ACVR2A: variants seen among roughly 807,000 people sequenced by gnomAD.
ACVR2A encodes activin A receptor type 2A, also known as activin receptor type-2A.
ACVR2A carries 7 observed loss-of-function variants against 61.4 expected under a neutral mutation model. The ratio of observed to expected loss-of-function variants is 0.11; its 90% CI spans 0.06 to 0.21. The LOEUF (loss-of-function observed/expected upper bound fraction) is 0.21, where lower values mean the gene tolerates loss of function less well. Ranked by LOEUF, ACVR2A falls within the 10% of genes least tolerant of loss-of-function variation. ACVR2A has a pLI of 1.00. For synonymous variants in ACVR2A, 193 were observed against 208.3 expected (o/e 0.93, Z 0.63); for missense variants, 322 against 621.7 (o/e 0.52, Z 5.13).
intron 1 of ACVR2A, among the ~76,000 whole-genome samples, chr2:147,861,811 G>A (rs1425617237): frequency 6.6e-6 from 1 of 152,180 alleles, no homozygotes; most frequent in Non-Finnish European, 1.5e-5. Context: ...ATAAAGTGGT[G>A]TGAATGTGTG....
chr2:147,915,821 C>T (rs12622150), intron 5 of ACVR2A, among the ~76,000 whole-genome samples: 53,893 of 151,690 alleles, frequency 0.36, 10,574 homozygotes, highest in South Asian at 0.51. Flanking sequence ...ATCGAGACTT[C>T]AAATAATTGG....
rs2105228582 is a variant in ACVR2A at position 147,928,940 on chromosome 2, T to C, written c.*1666T>C. Reference sequence around the variant, plus strand: ...ATTTTATAAAAGAATTTTTTACATGTCACTGTCAGGAGCTCACTGTGAATG... The same window carrying C: ...ATTTTATAAAAGAATTTTTTACATGCCACTGTCAGGAGCTCACTGTGAATG... On this transcript the variant is annotated 3_prime_UTR_variant, in exon 11 of 11. Coordinates refer to ENST00000241416, the MANE Select transcript of ACVR2A (RefSeq NM_001616.5). The C allele has an allele frequency of 6.6e-6, 1 of 152,604 alleles. No homozygotes were observed. Among genetic ancestry groups the C allele is most frequent in the Middle Eastern group, 3.4e-3 (1 of 294 alleles). 9.5% of individuals were successfully genotyped at this position (152,604 alleles called of 1,614,324 possible).
intron 4 of ACVR2A, among the ~76,000 whole-genome samples, chr2:147,909,684 C>T (rs896863115): frequency 6.6e-6 from 1 of 152,060 alleles, no homozygotes; most frequent in African/African-American, 2.4e-5. Context: ...GTCACCCAGG[C>T]GGGAATGCAG....
intron 1 of ACVR2A, among the ~76,000 whole-genome samples, chr2:147,865,407 A>G (rs1225311634): frequency 1.3e-5 from 2 of 152,184 alleles, no homozygotes; most frequent in African/African-American, 4.8e-5. Flanking sequence ...CATTCTTATT[A>G]TATTTGATTA....
At chr2:147,924,815 T>C (rs1687464640) in intron 9 of ACVR2A, among the ~76,000 whole-genome samples, 1 of 151,954 alleles carries the variant, frequency 6.6e-6, no homozygotes, top group Admixed American at 6.6e-5. Flanking sequence ...GGTTGAAGCC[T>C]GAGAGTCTAC....
chr2:147,901,699 G>A (rs1285765119), intron 4 of ACVR2A, among the ~76,000 whole-genome samples: 1 of 151,962 alleles, frequency 6.6e-6, no homozygotes, highest in Non-Finnish European at 1.5e-5. Flanking sequence ...AAGATTTTGT[G>A]ATAAAGTCAC....
intron 1 of ACVR2A, chr2:147,877,603 C>G (rs1045278233): frequency 1.3e-5 from 2 of 152,062 alleles, no homozygotes; most frequent in African/African-American, 2.4e-5. Flanking sequence ...GTTTATTATT[C>G]TTTAGTTCTA....
At position 147,879,661 on chromosome 2, in the gene ACVR2A, G is replaced by A. The variant is rs144405531; in HGVS notation, c.56-16640G>A. Among the ~76,000 whole-genome samples, 400 of 152,310 alleles carry A rather than the reference G, an allele frequency of 2.6e-3. 1 individual carries two copies. Among genetic ancestry groups the A allele is most frequent in the African/African-American group, 9.0e-3 (374 of 41,584 alleles). On this transcript the variant is annotated intron_variant, in intron 1 of 10. Coordinates refer to ENST00000241416, the MANE Select transcript of ACVR2A (RefSeq NM_001616.5). ...CTAAAGAAGAGCCAAACTGTGGAAAGGCCTGTAAGATTTGTTAAAGATTTT... is the reference window on the plus strand; with the variant it reads ...CTAAAGAAGAGCCAAACTGTGGAAAAGCCTGTAAGATTTGTTAAAGATTTT...
Position 147,927,082 on chromosome 2 carries a change from A to T in ACVR2A, c.1350A>T (p.Gly450=), listed in dbSNP as rs1444702597. 7 of 1,610,812 alleles carry T rather than the reference A, an allele frequency of 4.3e-6. No individual in the cohort carries two copies. Among genetic ancestry groups the T allele is most frequent in the Non-Finnish European group, 5.9e-6 (7 of 1,178,222 alleles). ...AGTATATGTTTTTCTCCTTTTAGGGAATGGCAATGCTCTGTGAAACCATTG... is the reference window on the plus strand; with the variant it reads ...AGTATATGTTTTTCTCCTTTTAGGGTATGGCAATGCTCTGTGAAACCATTG... ...VLRDYWQKHA[G]MAMLCETIEE... Residue 450 remains glycine, a splice_region_variant and synonymous_variant, in exon 11 of 11, where the codon GGA becomes GGT. Coordinates refer to ENST00000241416, the MANE Select transcript of ACVR2A (RefSeq NM_001616.5).
intron 4 of ACVR2A, among the ~76,000 whole-genome samples, chr2:147,914,191 A>G (rs1161398059): frequency 3.3e-5 from 5 of 151,924 alleles, no homozygotes; most frequent in African/African-American, 1.2e-4. Context: ...GTGTCATCAT[A>G]TCAGTTGCTT....
At chr2:147,901,478 A>G (rs975254919) in intron 4 of ACVR2A, among the ~76,000 whole-genome samples, 2 of 152,026 alleles carry the variant, frequency 1.3e-5, no homozygotes, top group Admixed American at 1.3e-4. Context: ...TTTAAGAAAG[A>G]CTAAATAATT....
intron 8 of ACVR2A, among the ~76,000 whole-genome samples, chr2:147,920,665 A>C (rs940758320): frequency 6.6e-6 from 1 of 152,196 alleles, no homozygotes; most frequent in African/African-American, 2.4e-5. Context: ...TTAGTCTGTT[A>C]GTTCTTTCAC....
intron 1 of ACVR2A, among the ~76,000 whole-genome samples, chr2:147,857,811 CAT>C (rs987046972): frequency 1.3e-5 from 2 of 151,398 alleles, no homozygotes; most frequent in Non-Finnish European, 3.0e-5. Flanking sequence ...CTCACATAAA[CAT>C]ATATACATGC....
At chr2:147,888,932 C>T (rs1354511311) in intron 1 of ACVR2A, among the ~76,000 whole-genome samples, 2 of 152,030 alleles carry the variant, frequency 1.3e-5, no homozygotes, top group Non-Finnish European at 2.9e-5. Flanking sequence ...ATGACATCAA[C>T]TGTAGGTTTT....
rs367648716 is a variant in ACVR2A at position 147,927,201 on chromosome 2, C to A, written c.1469C>A (p.Thr490Asn). ...ATGCAGAGACTAACAAATATTATTACCACAGAGGACATTGTAACAGTGGTC... is the reference window on the plus strand; with the variant it reads ...ATGCAGAGACTAACAAATATTATTAACACAGAGGACATTGTAACAGTGGTC... ...TQMQRLTNII[T>N]TEDIVTVVTM... Residue 490 changes from threonine (T) to asparagine (N), a missense_variant, in exon 11 of 11, where the codon ACC (threonine) becomes AAC (asparagine). Transcript: ENST00000241416. The A allele has an allele frequency of 2.4e-5, 38 of 1,612,070 alleles. No individual in the cohort carries two copies. In the South Asian group the frequency reaches 4.2e-4, roughly 18 times the overall value.
At position 147,917,346 on chromosome 2, in the gene ACVR2A, A is replaced by G; in HGVS notation, c.736A>G (p.Ile246Val). ...TTTGCCTGGAATGAAGCATGAGAAC[A>G]TATTACAGTTCATTGGTGCAGAAAA... ...YSLPGMKHEN[I>V]LQFIGAEKRG... The change falls in exon 6 of 11, where the codon ATA (isoleucine) becomes GTA (valine). Residue 246 changes from isoleucine (I) to valine (V), a missense_variant. Ile to Val is a conservative substitution (Grantham distance 29, BLOSUM62 3). Transcript: ENST00000241416. 2 of 1,612,498 alleles carry G rather than the reference A, an allele frequency of 1.2e-6. No individual in the cohort carries two copies. The highest frequency in any genetic ancestry group is 1.1e-5 in the South Asian group (1 of 91,008).
rs1687578780 is a variant in ACVR2A, at chr2:147,928,898, T to C, written c.*1624T>C. 6.6e-6 allele frequency: 1 copy of C among 152,452 alleles called. No individual in the cohort carries two copies. The highest frequency in any genetic ancestry group is 2.4e-5 in the African/African-American group (1 of 41,428). 9.4% of individuals were successfully genotyped at this position (152,452 alleles called of 1,614,324 possible). On this transcript the variant is annotated 3_prime_UTR_variant, in exon 11 of 11. Coordinates refer to ENST00000241416, the MANE Select transcript of ACVR2A (RefSeq NM_001616.5). ...TATGCTGTGTATTTCTGTCAGGTCATTTTAAAATCCATGTTAATTTTATAA... is the reference window on the plus strand; with the variant it reads ...TATGCTGTGTATTTCTGTCAGGTCACTTTAAAATCCATGTTAATTTTATAA...
chr2:147,865,392 T>C (rs1340527597), intron 1 of ACVR2A, among the ~76,000 whole-genome samples: 1 of 152,222 alleles, frequency 6.6e-6, no homozygotes, highest in Non-Finnish European at 1.5e-5. Flanking sequence ...TAGCCTAATC[T>C]AAAGCATTCT....
chr2:147,926,407 A>AT (rs2105225569), intron 10 of ACVR2A, among the ~76,000 whole-genome samples: 1 of 151,950 alleles, frequency 6.6e-6, no homozygotes, highest in South Asian at 2.1e-4. Context: ...TGTGTCATCT[A>AT]TTTAGAAAGT....
Sources: gnomAD v4.1 joint callset for allele counts (sites outside exome capture counted in the v4.1 genomes callset) on GRCh38, gnomAD v4.1.1 for gene constraint, MANE v1.5 for transcripts, NCBI Gene and HGNC (gene_info 2026-07-23, HGNC 2026-07-21) for gene names.